PDE1A: variants seen among roughly 807,000 people sequenced by gnomAD.
The protein encoded by PDE1A is dual specificity calcium/calmodulin-dependent 3',5'-cyclic nucleotide phosphodiesterase 1A.
PDE1A carries 35 observed loss-of-function variants against 61.7 expected under a neutral mutation model. The observed-to-expected ratio is 0.57, with a 90% CI of 0.43 to 0.75. The LOEUF is 0.75. Among genes scored for constraint, PDE1A ranks in the 30% least tolerant of loss-of-function variants. PDE1A has a pLI of 0.00. For missense variants in PDE1A, 597 were observed against 630.6 expected, an observed-to-expected ratio of 0.95 and a Z score of 0.57; for synonymous variants, 232 against 213.2, an observed-to-expected ratio of 1.09 and a Z score of -0.77.
chr2:182,594,770 A>T, the PDE1A span, among the ~76,000 whole-genome samples: 1 of 152,332 alleles, frequency 6.6e-6, no homozygotes, highest in East Asian at 1.9e-4. Flanking sequence ...ACGGAGTCCA[A>T]CTTATTTAAT....
At position 182,394,745 on chromosome 2, in the gene PDE1A, G is replaced by C. The variant is rs60070092; in HGVS notation, c.53+31833C>G. On this transcript the variant is annotated intron_variant, in intron 1 of 13. Transcript: ENST00000351439. The stretch of plus-strand genomic sequence containing the variant: ...TTCCCCAGAGCCAGAATGCATAATT[G>C]GCATAGACATACTTAGCTGCTGGCT... 7.0e-3 allele frequency among the ~76,000 whole-genome samples: 1,059 copies of C among 152,238 alleles called. 19 individuals carry two copies. Among genetic ancestry groups the C allele is most frequent in the African/African-American group, 0.024 (996 of 41,544 alleles).
intron 2 of PDE1A, among the ~76,000 whole-genome samples, chr2:182,487,755 A>G (rs1307982007): frequency 2.0e-5 from 3 of 152,174 alleles, no homozygotes; most frequent in Admixed American, 2.0e-4. Flanking sequence ...TCACTGAATC[A>G]TATATTTAAA....
chr2:182,268,540 G>T (rs981782283), intron 1 of PDE1A, among the ~76,000 whole-genome samples: 1 of 151,992 alleles, frequency 6.6e-6, no homozygotes, highest in African/African-American at 2.4e-5. Context: ...TCTCTGAGGG[G>T]TGTATGACAT....
chr2:182,270,819 T>G (rs1354709356), intron 1 of PDE1A, among the ~76,000 whole-genome samples: 1 of 151,762 alleles, frequency 6.6e-6, no homozygotes, highest in Non-Finnish European at 1.5e-5. Flanking sequence ...CTGTGTCATT[T>G]TCAGTAAGTC....
chr2:182,465,762 G>A (rs1686617623), intron 2 of PDE1A, among the ~76,000 whole-genome samples: 1 of 151,828 alleles, frequency 6.6e-6, no homozygotes, highest in Admixed American at 6.6e-5. Flanking sequence ...CCCAAATCAC[G>A]ATTATTACTT....
At chr2:182,303,247 T>C (rs1049312497) in intron 1 of PDE1A, among the ~76,000 whole-genome samples, 2 of 152,204 alleles carry the variant, frequency 1.3e-5, no homozygotes, top group Admixed American at 1.3e-4. Flanking sequence ...CCTTACGAGA[T>C]ATATTTCTTA....
At chr2:182,296,005 A>G (rs1482439389) in intron 1 of PDE1A, among the ~76,000 whole-genome samples, 2 of 152,220 alleles carry the variant, frequency 1.3e-5, no homozygotes, top group Non-Finnish European at 2.9e-5. Flanking sequence ...GGCAAAACAT[A>G]AAACTCTGAG....
At chr2:182,630,298 T>TA in the PDE1A span, among the ~76,000 whole-genome samples, 4 of 152,192 alleles carry the variant, frequency 2.6e-5, no homozygotes, top group African/African-American at 9.6e-5. Flanking sequence ...AAGTCAGTGA[T>TA]ACAATTTTAT....
chr2:182,209,368 C>T (rs56301405), intron 7 of PDE1A, among the ~76,000 whole-genome samples: 41,861 of 151,652 alleles, frequency 0.28, 6,467 homozygotes, highest in Non-Finnish European at 0.34. Flanking sequence ...AATTATCTCC[C>T]ACTGGGTCTC....
At chr2:182,280,481 A>C (rs986329849) in intron 1 of PDE1A, among the ~76,000 whole-genome samples, 1 of 151,894 alleles carries the variant, frequency 6.6e-6, no homozygotes, top group Non-Finnish European at 1.5e-5. Flanking sequence ...TAAATCACTG[A>C]GTTTCTGAAT....
the PDE1A span, among the ~76,000 whole-genome samples, chr2:182,544,840 CCTT>C: frequency 1.3e-5 from 2 of 152,052 alleles, no homozygotes; most frequent in Non-Finnish European, 2.9e-5. Flanking sequence ...TGGTTCATCT[CCTT>C]CTTTATTTAT....
chr2:182,626,838 C>CATATATATATACATATATATACAT, the PDE1A span, among the ~76,000 whole-genome samples: 1 of 10,034 alleles, frequency 1.0e-4, no homozygotes, highest in Non-Finnish European at 2.1e-4. Context: ...TATATATATA[C>CATATATATATACATATATATACAT]ATATATATAC....
At chr2:182,356,244 AG>A (rs1163816118) in intron 1 of PDE1A, among the ~76,000 whole-genome samples, 1 of 152,166 alleles carries the variant, frequency 6.6e-6, no homozygotes, top group Admixed American at 6.5e-5. Flanking sequence ...CAGGAATTCA[AG>A]AAAGAAGACA....
the PDE1A span, among the ~76,000 whole-genome samples, chr2:182,551,100 C>T: frequency 3.1e-4 from 46 of 149,870 alleles, no homozygotes; most frequent in South Asian, 1.7e-3. Context: ...TTCTGTCTGG[C>T]GGAAACAAAT....
At chr2:182,231,792 G>A (rs1487538277) in intron 4 of PDE1A, among the ~76,000 whole-genome samples, 1 of 152,062 alleles carries the variant, frequency 6.6e-6, no homozygotes, top group Non-Finnish European at 1.5e-5. Flanking sequence ...GTGCACGCCT[G>A]TAATCCCAGC....
rs568862300 is a variant in PDE1A, at chr2:182,454,521, C to T, written c.101+67755G>A. On this transcript the variant is annotated intron_variant, in intron 2 of 14. Coordinates refer to the PDE1A transcript ENST00000410103. ...TCATGCTACCTGACTTCAAACTATACAACAAGGCTACAGTAACCAAAACAG... is the reference window on the plus strand; with the variant it reads ...TCATGCTACCTGACTTCAAACTATATAACAAGGCTACAGTAACCAAAACAG... 4.6e-5 allele frequency among the ~76,000 whole-genome samples: 7 copies of T among 152,170 alleles called. No homozygotes were observed. The East Asian group carries it at 9.7e-4, about 21-fold the overall frequency.
chr2:182,279,168 A>T (rs979244796), intron 1 of PDE1A, among the ~76,000 whole-genome samples: 3 of 151,950 alleles, frequency 2.0e-5, no homozygotes, highest in Admixed American at 2.0e-4. Context: ...TTTTCATCTT[A>T]TGTAGGCAAT....
intron 2 of PDE1A, among the ~76,000 whole-genome samples, chr2:182,509,559 T>C (rs1476079702): frequency 1.3e-5 from 2 of 152,226 alleles, no homozygotes; most frequent in Non-Finnish European, 2.9e-5. Flanking sequence ...GCCCTCCCCT[T>C]ACTAAATGTG....
At chr2:182,180,125 AT>A (rs1457539941) in intron 13 of PDE1A, among the ~76,000 whole-genome samples, 1 of 152,190 alleles carries the variant, frequency 6.6e-6, no homozygotes, top group Non-Finnish European at 1.5e-5. Flanking sequence ...TAAAATGGCA[AT>A]ATCTGATACT....
Sources: gnomAD v4.1 joint callset for allele counts (sites outside exome capture counted in the v4.1 genomes callset) on GRCh38, gnomAD v4.1.1 for gene constraint, MANE v1.5 for transcripts, NCBI Gene and HGNC (gene_info 2026-07-23, HGNC 2026-07-21) for gene names.